Variants in EIF5B observed in about 807,000 individuals in gnomAD.
EIF5B encodes the protein eIF-5B.
A neutral mutation model predicts 147.5 loss-of-function variants in EIF5B; 47 were observed. The ratio of observed to expected loss-of-function variants is 0.32; its 90% CI spans 0.25 to 0.41. The LOEUF (loss-of-function observed/expected upper bound fraction) is 0.41, where lower values mean the gene tolerates loss of function less well. Among genes scored for constraint, EIF5B ranks in the 10% least tolerant of loss-of-function variants. EIF5B has a pLI of 1.00. For synonymous variants in EIF5B, 455 were observed against 456.2 expected (o/e 1.00, Z 0.03); for missense variants, 1,064 against 1,413.2 (o/e 0.75, Z 3.96).
intron 14 of EIF5B, among the ~76,000 whole-genome samples, chr2:99,384,789 T>A (rs1228802735): frequency 6.6e-6 from 1 of 152,218 alleles, no homozygotes; most frequent in Non-Finnish European, 1.5e-5. Context: ...AAGATGTAGC[T>A]GAATTGCTGC....
At chr2:99,370,190 CAG>C (rs889864562) in intron 8 of EIF5B, among the ~76,000 whole-genome samples, 1 of 151,974 alleles carries the variant, frequency 6.6e-6, no homozygotes, top group Non-Finnish European at 1.5e-5. Context: ...TTACAATAAT[CAG>C]AGAATTCAAC....
rs369384557 is a variant in EIF5B, at chr2:99,361,532, A to G, written c.631A>G (p.Asn211Asp). 4 of 1,613,872 alleles carry G rather than the reference A, an allele frequency of 2.5e-6. No individual in the cohort carries two copies. Among genetic ancestry groups the G allele is most frequent in the East Asian group, 2.2e-5 (1 of 44,880 alleles). Residue 211 changes from asparagine (N) to aspartate (D), a missense_variant, in exon 4 of 24, where the codon AAC becomes GAC. By Grantham distance (23) the Asn-to-Asp change is conservative. Transcript: ENST00000289371. ...AAATCAGAAAAACAAGCCAGGTCCT[A>G]ACATAGAAAGTGGGAATGAAGATGA... ...KKNQKNKPGP[N>D]IESGNEDDDA...
chr2:99,381,518 G>GGTGT (rs56686088), intron 12 of EIF5B, among the ~76,000 whole-genome samples: 8,334 of 142,998 alleles, frequency 0.058, 279 homozygotes, highest in Middle Eastern at 0.12. Context: ...ACAAAAAGGG[G>GGTGT]GTGTGTGTGT....
intron 10 of EIF5B, among the ~76,000 whole-genome samples, chr2:99,377,886 G>A (rs1320957240): frequency 6.6e-6 from 1 of 152,160 alleles, no homozygotes; most frequent in Non-Finnish European, 1.5e-5. Context: ...ATTGTGGAAT[G>A]GGGTTTGTAT....
intron 1 of EIF5B, among the ~76,000 whole-genome samples, chr2:99,354,420 G>T (rs1314810626): frequency 6.6e-6 from 1 of 152,044 alleles, no homozygotes; most frequent in Admixed American, 6.6e-5. Flanking sequence ...AGAGTTTTGG[G>T]TATATTCTAG....
At position 99,337,393 on chromosome 2, in the gene EIF5B, C is replaced by T. The variant is rs551466271; in HGVS notation, c.-162C>T. On this transcript the variant is annotated 5_prime_UTR_variant, in exon 1 of 24. Coordinates refer to ENST00000289371, the MANE Select transcript of EIF5B (RefSeq NM_015904.4). Reference sequence around the variant, plus strand: ...GCGCTTGCGCACTGAGAACTCACACCATATGTGTCCTGTTCCAGTGCGCGG... The same window carrying T: ...GCGCTTGCGCACTGAGAACTCACACTATATGTGTCCTGTTCCAGTGCGCGG... 1.5e-5 allele frequency: 13 copies of T among 859,340 alleles called. No homozygotes were observed. The highest frequency in any genetic ancestry group is 1.2e-4 in the African/African-American group (7 of 58,308). The allele number at this position is 859,340 out of a possible 1,614,324, so 53.2% of individuals were successfully genotyped here. A position where few individuals can be genotyped will look rare whatever the true frequency, so the allele number is the denominator to read the frequency against.
At chr2:99,398,691 C>T (rs895875879) in intron 22 of EIF5B, 57 bp from the exon 23 acceptor site, 43 of 1,533,380 alleles carry the variant, frequency 2.8e-5, no homozygotes, top group Admixed American at 2.2e-4. Flanking sequence ...CCAGCCATGG[C>T]GCCTGTGATT....
At chr2:99,339,115 A>G (rs1275021781) in intron 1 of EIF5B, among the ~76,000 whole-genome samples, 4 of 151,110 alleles carry the variant, frequency 2.6e-5, no homozygotes, top group Non-Finnish European at 5.9e-5. Flanking sequence ...CCCTGGTTCA[A>G]GCGATTCTCC....
Position 99,361,186 on chromosome 2 carries a change from T to TA in EIF5B, c.293dup (p.Lys99GlufsTer11). ...ATGAAGAGGAATTCACCTCAAAAGA[T>TA]AAAAAAAAGAAAGGACAGAAGGGCA... On this transcript the variant is annotated frameshift_variant, in exon 4 of 24. Coordinates refer to ENST00000289371, the MANE Select transcript of EIF5B (RefSeq NM_015904.4). LOFTEE classifies it high-confidence loss of function. The TA allele has an allele frequency of 1.5e-5, 24 of 1,556,136 alleles. No individual in the cohort carries two copies. Among genetic ancestry groups the TA allele is most frequent in the South Asian group, 6.2e-5 (5 of 80,996 alleles).
At position 99,389,709 on chromosome 2, in the gene EIF5B, CTT is replaced by C. The variant is rs770425407; in HGVS notation, c.2272-5_2272-4del. On this transcript the variant is annotated splice_polypyrimidine_tract_variant and splice_region_variant and intron_variant, in intron 14 of 23. Coordinates refer to ENST00000289371, the MANE Select transcript of EIF5B (RefSeq NM_015904.4). ...TTTAGAGATCTTTCTCATGAAAAAA[CTT>C]TTTCAGATTGATAGGTTATATGATT... The C allele has an allele frequency of 6.3e-7, 1 of 1,580,634 alleles. No individual in the cohort carries two copies. The highest frequency in any genetic ancestry group is 8.5e-7 in the Non-Finnish European group (1 of 1,170,900).
At chr2:99,370,172 G>T (rs1192894561) in intron 8 of EIF5B, among the ~76,000 whole-genome samples, 1 of 152,084 alleles carries the variant, frequency 6.6e-6, no homozygotes, top group Non-Finnish European at 1.5e-5. Context: ...CTAAAGGTCG[G>T]CTTCTATTTA....
At chr2:99,371,575 G>A (rs555589624) in intron 8 of EIF5B, 81 bp from the exon 9 acceptor site, 1 of 1,087,032 alleles carries the variant, frequency 9.2e-7, no homozygotes, top group South Asian at 1.5e-5. Flanking sequence ...TTATGTCAGA[G>A]CATAATTTTT....
Position 99,361,450 on chromosome 2 carries a change from T to C in EIF5B, c.549T>C (p.Ser183=), listed in dbSNP as rs2105344991. 2 of 1,613,918 alleles carry C rather than the reference T, an allele frequency of 1.2e-6. No homozygotes were observed. Among genetic ancestry groups the C allele is most frequent in the East Asian group, 2.2e-5 (1 of 44,872 alleles). The change falls in exon 4 of 24, where the codon TCT becomes TCC. Residue 183 remains serine, a synonymous_variant. Transcript: ENST00000289371. ...KIKERSRINS[S]GESGDESDEF... is the part of the protein sequence containing the mutation. ...AAGAGCGTTCAAGAATAAATTCTTC[T>C]GGTGAAAGTGGTGATGAATCAGATG...
At chr2:99,387,707 G>A (rs1248909150) in intron 14 of EIF5B, among the ~76,000 whole-genome samples, 1 of 152,154 alleles carries the variant, frequency 6.6e-6, no homozygotes. Flanking sequence ...TTTTGATTGG[G>A]ATTGCGTTTC....
intron 22 of EIF5B, chr2:99,398,426 C>G (rs1574944293): frequency 4.9e-6 from 1 of 202,182 alleles, no homozygotes; most frequent in East Asian, 1.3e-4. Flanking sequence ...CCCTTTGTGC[C>G]TGCTGATCCC....
intron 1 of EIF5B, among the ~76,000 whole-genome samples, chr2:99,347,369 A>C (rs1309552817): frequency 1.3e-5 from 2 of 152,216 alleles, no homozygotes; most frequent in African/African-American, 4.8e-5. Flanking sequence ...AATCTGCAGT[A>C]TTGATTTGAA....
In EIF5B at chr2:99,389,332, A is replaced by G. The variant is rs1308308006; in HGVS notation, c.2272-386A>G. ...AATAGGCTGTTCCCTTAGAAAATAT[A>G]TATTTTTTAATTTTTTGGTATATAA... On this transcript the variant is annotated intron_variant, in intron 14 of 23. Transcript: ENST00000289371. 3.9e-5 allele frequency among the ~76,000 whole-genome samples: 6 copies of G among 152,216 alleles called. No homozygotes were observed. The South Asian group carries it at 1.2e-3, about 32-fold the overall frequency.
intron 1 of EIF5B, chr2:99,338,354 A>AT (rs2094249313): frequency 7.8e-7 from 1 of 1,288,710 alleles, no homozygotes; most frequent in African/African-American, 1.5e-5. Flanking sequence ...GTCACATTCG[A>AT]TTGAGTTCTG....
intron 5 of EIF5B, 91 bp from the exon 6 acceptor site, chr2:99,364,180 A>G (rs1674279228): frequency 6.8e-7 from 1 of 1,474,172 alleles, no homozygotes; most frequent in Non-Finnish European, 9.0e-7. Flanking sequence ...ATGTGTCTCA[A>G]GAGATTTATT....
Sources: gnomAD v4.1 joint callset for allele counts (sites outside exome capture counted in the v4.1 genomes callset) on GRCh38, gnomAD v4.1.1 for gene constraint, MANE v1.5 for transcripts, NCBI Gene and HGNC (gene_info 2026-07-23, HGNC 2026-07-21) for gene names.